DAPL1: variants seen among roughly 807,000 people sequenced by gnomAD.
DAPL1 encodes death associated protein like 1, also known as death-associated protein-like 1.
Under a neutral mutation model 12.9 loss-of-function variants are expected in DAPL1, and 17 were observed. The ratio of observed to expected loss-of-function variants is 1.32; its 90% confidence interval spans 0.90 to 1.98. The LOEUF (loss-of-function observed/expected upper bound fraction) is 1.98. Ranked by LOEUF, DAPL1 falls within the 30% of genes most tolerant of loss-of-function variation. The probability of loss-of-function intolerance (pLI) is 0.00; values close to 1 mark genes in which losing one functional copy is unlikely to be tolerated. For missense variants in DAPL1, 157 were observed against 125.7 expected, an observed-to-expected ratio of 1.25 and a Z score of -1.19; for synonymous variants, 51 against 42.0, an observed-to-expected ratio of 1.21 and a Z score of -0.82.
chr2:158,806,852 AT>A (rs1294412705), intron 2 of DAPL1, among the ~76,000 whole-genome samples: 124 of 131,668 alleles, frequency 9.4e-4, no homozygotes, highest in African/African-American at 1.7e-3. Context: ...AAAAAAAATA[AT>A]AATAATAATA....
chr2:158,810,877 C>T (rs573746944), intron 3 of DAPL1, among the ~76,000 whole-genome samples: 61 of 152,318 alleles, frequency 4.0e-4, no homozygotes, highest in African/African-American at 1.4e-3. Flanking sequence ...AAGTTCCACC[C>T]ACTACTTAGA....
intron 1 of DAPL1, among the ~76,000 whole-genome samples, chr2:158,803,646 C>G (rs542410752): frequency 5.9e-5 from 9 of 152,210 alleles, no homozygotes; most frequent in Non-Finnish European, 1.5e-5. Context: ...GCCTAATTAA[C>G]ACTAATTGAT....
At chr2:158,814,197 T>C (rs976709467) in intron 3 of DAPL1, among the ~76,000 whole-genome samples, 8 of 152,240 alleles carry the variant, frequency 5.3e-5, no homozygotes, top group Non-Finnish European at 1.0e-4. Flanking sequence ...CTTCTGGATC[T>C]AATGTTGAAA....
intron 1 of DAPL1, among the ~76,000 whole-genome samples, chr2:158,799,421 G>C (rs1377637546): frequency 2.0e-5 from 3 of 151,890 alleles, no homozygotes; most frequent in African/African-American, 7.3e-5. Flanking sequence ...ACTTTGAAAA[G>C]GTCTCTTGAG....
At chr2:158,796,349 T>A (rs1159463377) in intron 1 of DAPL1, among the ~76,000 whole-genome samples, 2 of 152,328 alleles carry the variant, frequency 1.3e-5, no homozygotes, top group Admixed American at 1.3e-4. Context: ...GCGGGTATTG[T>A]CTTCACAGAG....
intron 1 of DAPL1, 41 bp downstream of exon 1, chr2:158,795,471 C>T (rs572375127): frequency 8.0e-5 from 123 of 1,540,766 alleles, no homozygotes; most frequent in Admixed American, 2.7e-4. Flanking sequence ...GCTGTTGCTG[C>T]TCCCCTCTTC....
intron 3 of DAPL1, among the ~76,000 whole-genome samples, chr2:158,809,712 T>G (rs1306352199): frequency 6.6e-6 from 1 of 152,228 alleles, no homozygotes; most frequent in Non-Finnish European, 1.5e-5. Context: ...TGATATCTTC[T>G]GTTCCCAGGC....
intron 1 of DAPL1, among the ~76,000 whole-genome samples, chr2:158,796,128 G>A (rs2059133156): frequency 1.3e-5 from 2 of 152,050 alleles, no homozygotes; most frequent in East Asian, 3.8e-4. Context: ...TTAACCATAT[G>A]TTCATATAGA....
chr2:158,815,641 A>G (rs2059256007), intron 3 of DAPL1, 64 bp from the exon 4 acceptor site: 4 of 958,842 alleles, frequency 4.2e-6, no homozygotes, highest in South Asian at 3.9e-5. Context: ...ACTTTCTACT[A>G]GTTTAATATT....
At chr2:158,799,682 G>C (rs1297146621) in intron 1 of DAPL1, among the ~76,000 whole-genome samples, 2 of 152,112 alleles carry the variant, frequency 1.3e-5, no homozygotes, top group Non-Finnish European at 2.9e-5. Context: ...ATAGATGACT[G>C]AGTAAGATCA....
At chr2:158,809,976 G>C (rs1481043506) in intron 3 of DAPL1, among the ~76,000 whole-genome samples, 1 of 152,212 alleles carries the variant, frequency 6.6e-6, no homozygotes, top group African/African-American at 2.4e-5. Context: ...GTGTGGGACT[G>C]AGTAGGAGGA....
intron 3 of DAPL1, among the ~76,000 whole-genome samples, chr2:158,808,118 G>C (rs2059211766): frequency 6.6e-6 from 1 of 152,182 alleles, no homozygotes; most frequent in African/African-American, 2.4e-5. Context: ...AGGTAATATA[G>C]AGCCACTCTT....
chr2:158,810,193 A>G (rs780699327), intron 3 of DAPL1, among the ~76,000 whole-genome samples: 1 of 152,228 alleles, frequency 6.6e-6, no homozygotes, highest in African/African-American at 2.4e-5. Flanking sequence ...CAAAAAATAT[A>G]TGAATCGATA....
At chr2:158,808,233 C>T (rs1156424780) in intron 3 of DAPL1, among the ~76,000 whole-genome samples, 2 of 152,190 alleles carry the variant, frequency 1.3e-5, no homozygotes, top group Non-Finnish European at 2.9e-5. Flanking sequence ...ACCAGCTCAG[C>T]CTTTGAAAAA....
At chr2:158,805,122 A>G (rs1284695444) in intron 2 of DAPL1, among the ~76,000 whole-genome samples, 1 of 152,256 alleles carries the variant, frequency 6.6e-6, no homozygotes, top group Admixed American at 6.5e-5. Context: ...GGATCTGAGT[A>G]GAGGATGCTC....
At chr2:158,811,524 A>G (rs1351079778) in intron 3 of DAPL1, among the ~76,000 whole-genome samples, 4 of 152,202 alleles carry the variant, frequency 2.6e-5, no homozygotes, top group Non-Finnish European at 2.9e-5. Context: ...AAAGACCTCT[A>G]TCACACTTCT....
intron 1 of DAPL1, among the ~76,000 whole-genome samples, chr2:158,802,297 G>T (rs2059172257): frequency 6.6e-6 from 1 of 152,206 alleles, no homozygotes; most frequent in Admixed American, 6.6e-5. Flanking sequence ...GCAAAATTAT[G>T]TATCTAAAAC....
chr2:158,798,718 G>T (rs972902757), intron 1 of DAPL1, among the ~76,000 whole-genome samples: 1 of 151,966 alleles, frequency 6.6e-6, no homozygotes, highest in African/African-American at 2.4e-5. Context: ...TTTTCTGTTT[G>T]CTCCACAACC....
intron 3 of DAPL1, among the ~76,000 whole-genome samples, chr2:158,815,373 T>C (rs1290682679): frequency 6.6e-6 from 1 of 152,232 alleles, no homozygotes; most frequent in Non-Finnish European, 1.5e-5. Flanking sequence ...CCTGTAGCCT[T>C]CTTAGAATTC....
Sources: allele counts gnomAD v4.1 joint callset (sites outside exome capture counted in the v4.1 genomes callset), GRCh38; gene constraint gnomAD v4.1.1; transcripts MANE v1.5; gene names NCBI Gene and HGNC (gene_info 2026-07-23, HGNC 2026-07-21).